The following ASB4 variants were observed in gnomAD, a reference collection of about 807,000 sequenced individuals.
ASB4 encodes ankyrin repeat and SOCS box protein 4.
ASB4 carries 35 observed loss-of-function variants against 38.6 expected under a neutral mutation model. That is an observed-to-expected ratio of 0.91 (90% CI 0.69 to 1.20). ASB4 has a LOEUF of 1.20. Among genes scored for constraint, ASB4 ranks in the 50% most tolerant of loss-of-function variants. The probability of loss-of-function intolerance (pLI) is 0.00; values close to 1 mark genes in which losing one functional copy is unlikely to be tolerated. For synonymous variants in ASB4, 195 were observed against 201.3 expected (o/e 0.97, Z 0.26); for missense variants, 557 against 527.2 (o/e 1.06, Z -0.55).
chr7:95,494,223 A>G (rs1300481601), intron 1 of ASB4, among the ~76,000 whole-genome samples: 1 of 152,220 alleles, frequency 6.6e-6, no homozygotes, highest in African/African-American at 2.4e-5. Flanking sequence ...TCATCCTCAG[A>G]GCACCCTCTA....
intron 2 of ASB4, among the ~76,000 whole-genome samples, chr7:95,509,237 G>T (rs935921947): frequency 6.6e-6 from 1 of 152,064 alleles, no homozygotes; most frequent in Non-Finnish European, 1.5e-5. Context: ...AAGAAGTAGG[G>T]GTGTTCTTTT....
intron 3 of ASB4, among the ~76,000 whole-genome samples, chr7:95,533,366 C>T (rs113084935): frequency 3.8e-4 from 58 of 152,258 alleles, no homozygotes; most frequent in African/African-American, 1.3e-3. Flanking sequence ...ACTTATTGGG[C>T]TTCTAACACT....
chr7:95,480,902 C>T (rs1168083770), upstream of ASB4, among the ~76,000 whole-genome samples: 1 of 152,106 alleles, frequency 6.6e-6, no homozygotes, highest in Non-Finnish European at 1.5e-5. Flanking sequence ...GAATGAAGGG[C>T]TAAATGTGAG....
chr7:95,499,484 C>G (rs1458331179), intron 2 of ASB4, among the ~76,000 whole-genome samples: 6 of 152,108 alleles, frequency 3.9e-5, no homozygotes, highest in African/African-American at 1.4e-4. Context: ...GTGATAGCTA[C>G]CCAGGGTTAA....
chr7:95,496,944 G>A (rs1790259479), intron 2 of ASB4, among the ~76,000 whole-genome samples: 1 of 152,092 alleles, frequency 6.6e-6, no homozygotes, highest in Non-Finnish European at 1.5e-5. Context: ...CTAGCTATAG[G>A]AAATAGCTTG....
At chr7:95,535,373 C>T (rs1194256992) in intron 3 of ASB4, among the ~76,000 whole-genome samples, 1 of 152,318 alleles carries the variant, frequency 6.6e-6, no homozygotes, top group East Asian at 1.9e-4. Flanking sequence ...AATGCCTCAC[C>T]TAACACCAAG....
chr7:95,519,653 C>T lies in ASB4; in HGVS notation c.488-8160C>T, dbSNP rs112538412. On this transcript the variant is annotated intron_variant, in intron 2 of 4. Coordinates refer to ENST00000325885, the MANE Select transcript of ASB4 (RefSeq NM_016116.3). ...TACCTGAAGTTATAGTAAATGGAAC[C>T]GAATTCCTTCTCAAATCCTTACGAA... Among the ~76,000 whole-genome samples, 665 of 152,206 alleles carry T rather than the reference C, an allele frequency of 4.4e-3. 3 individuals carry two copies. Among genetic ancestry groups the T allele is most frequent in the African/African-American group, 0.015 (605 of 41,526 alleles).
chr7:95,499,036 A>G (rs1362881041), intron 2 of ASB4, among the ~76,000 whole-genome samples: 1 of 152,110 alleles, frequency 6.6e-6, no homozygotes, highest in African/African-American at 2.4e-5. Flanking sequence ...TGCTCCACTG[A>G]CTTGATTGCC....
chr7:95,516,383 T>A, intron 2 of ASB4, among the ~76,000 whole-genome samples: 1 of 152,150 alleles, frequency 6.6e-6, no homozygotes, highest in Non-Finnish European at 1.5e-5. Context: ...AAATACAGGG[T>A]GACTGAGCTC....
At position 95,495,845 on chromosome 7, in the gene ASB4, T is replaced by G. The variant is rs768490367; in HGVS notation, c.275T>G (p.Leu92Arg). 3 of 1,613,990 alleles carry G rather than the reference T, an allele frequency of 1.9e-6. No homozygotes were observed. Among genetic ancestry groups the G allele is most frequent in the Non-Finnish European group, 2.5e-6 (3 of 1,179,984 alleles). ...SVLFGHVECL[L>R]VLLDHNATIN... ...TTGTTTGGCCATGTGGAATGTCTTC[T>G]GGTGCTACTGGACCACAATGCTACA... Residue 92 changes from leucine to arginine, a missense_variant, in exon 2 of 5, where the codon CTG becomes CGG. Transcript: ENST00000325885.
At chr7:95,548,780 A>G in the ASB4 span, among the ~76,000 whole-genome samples, 3 of 152,198 alleles carry the variant, frequency 2.0e-5, no homozygotes, top group Non-Finnish European at 2.9e-5. Flanking sequence ...GTGTTGCTTC[A>G]TTCATTTTTT....
chr7:95,537,959 C>A lies in ASB4; in HGVS notation c.*200C>A. 1.8e-6 allele frequency: 1 copy of A among 554,474 alleles called. No homozygotes were observed. The highest frequency in any genetic ancestry group is 3.2e-6 in the Non-Finnish European group (1 of 313,150). 34.3% of individuals were successfully genotyped at this position (554,474 alleles called of 1,614,324 possible). On this transcript the variant is annotated 3_prime_UTR_variant, in exon 5 of 5. Transcript: ENST00000325885. Reference sequence around the variant, plus strand: ...AGTAAAGTTAAGGAATTTTCAAAGACAAGGATGTATTCAGAATGTACTGAT... The same window carrying A: ...AGTAAAGTTAAGGAATTTTCAAAGAAAAGGATGTATTCAGAATGTACTGAT...
Position 95,489,760 on chromosome 7 carries a change from C to T in ASB4, c.187+3602C>T, listed in dbSNP as rs554190589. 2.4e-4 allele frequency among the ~76,000 whole-genome samples: 36 copies of T among 152,286 alleles called. No homozygotes were observed. The South Asian group carries it at 7.0e-3, about 30-fold the overall frequency. On this transcript the variant is annotated intron_variant, in intron 1 of 4. Coordinates refer to ENST00000325885, the MANE Select transcript of ASB4 (RefSeq NM_016116.3). ...CCAAATGCAATAAGTCATTGAAAGT[C>T]AAGGGATGTCAGTGATATAACATTA...
upstream of ASB4, chr7:95,473,779 A>G (rs1458130141): frequency 6.6e-6 from 1 of 152,190 alleles, no homozygotes; most frequent in African/African-American, 2.4e-5. Context: ...CAGATGGGGA[A>G]CAATGGTCAG....
chr7:95,496,135 C>G (rs1428612895), intron 2 of ASB4, 78 bp downstream of exon 2: 2 of 1,358,684 alleles, frequency 1.5e-6, no homozygotes, highest in African/African-American at 2.9e-5. Context: ...CCTACCTACC[C>G]CAGATGATGT....
chr7:95,532,714 C>T (rs1417643377), intron 3 of ASB4, among the ~76,000 whole-genome samples: 1 of 152,146 alleles, frequency 6.6e-6, no homozygotes, highest in Non-Finnish European at 1.5e-5. Context: ...TACCTTGAAT[C>T]TCTTTTTTAA....
Position 95,538,723 on chromosome 7 carries a change from C to T in ASB4, c.*964C>T, listed in dbSNP as rs1235729735. ...TGGTTAGTATTAATACTTTCCCAGA[C>T]TCCTTGAGAAAAATATTGCACACTC... On this transcript the variant is annotated 3_prime_UTR_variant, in exon 5 of 5. Coordinates refer to ENST00000325885, the MANE Select transcript of ASB4 (RefSeq NM_016116.3). 2 of 152,074 alleles carry T rather than the reference C, an allele frequency of 1.3e-5. No individual in the cohort carries two copies. Among genetic ancestry groups the T allele is most frequent in the Non-Finnish European group, 2.9e-5 (2 of 68,020 alleles). 9.4% of individuals were successfully genotyped at this position (152,074 alleles called of 1,614,324 possible).
chr7:95,479,744 G>A (rs894520582), intron 1 of ASB4, among the ~76,000 whole-genome samples: 1 of 152,210 alleles, frequency 6.6e-6, no homozygotes, highest in Non-Finnish European at 1.5e-5. Flanking sequence ...TGAGGATGCT[G>A]TTGTGGGTTT....
the ASB4 span, among the ~76,000 whole-genome samples, chr7:95,547,297 T>A: frequency 2.0e-5 from 3 of 152,340 alleles, no homozygotes; most frequent in Non-Finnish European, 4.4e-5. Context: ...CTCTTTCTAG[T>A]AAATTCCTAT....
Sources: gnomAD v4.1 joint callset for allele counts (sites outside exome capture counted in the v4.1 genomes callset) on GRCh38, gnomAD v4.1.1 for gene constraint, MANE v1.5 for transcripts, NCBI Gene and HGNC (gene_info 2026-07-23, HGNC 2026-07-21) for gene names.